FNDC3B: variants seen among roughly 807,000 people sequenced by gnomAD.
FNDC3B encodes fibronectin type III domain containing 3B, also known as fibronectin type III domain-containing protein 3B.
Under a neutral mutation model 151.5 loss-of-function variants are expected in FNDC3B, and 12 were observed. That is an observed-to-expected ratio of 0.08 (90% CI 0.05 to 0.13). The LOEUF (loss-of-function observed/expected upper bound fraction) is 0.13, where lower values mean the gene tolerates loss of function less well. Among genes scored for constraint, FNDC3B ranks in the 10% least tolerant of loss-of-function variants. The probability of loss-of-function intolerance (pLI) is 1.00; values close to 1 mark genes in which losing one functional copy is unlikely to be tolerated. For synonymous variants in FNDC3B, 528 were observed against 549.0 expected (o/e 0.96, Z 0.54); for missense variants, 1,214 against 1,505.3 (o/e 0.81, Z 3.20).
intron 3 of FNDC3B, among the ~76,000 whole-genome samples, chr3:172,224,546 T>C (rs1346946667): frequency 6.6e-6 from 1 of 152,226 alleles, no homozygotes; most frequent in Non-Finnish European, 1.5e-5. Flanking sequence ...CTGTTTTTTT[T>C]CCTATTTCAC....
At chr3:172,291,171 C>T (rs895403842) in intron 7 of FNDC3B, among the ~76,000 whole-genome samples, 9 of 152,170 alleles carry the variant, frequency 5.9e-5, no homozygotes, top group African/African-American at 1.2e-4. Context: ...CTATGGATTA[C>T]GTATCAAATA....
chr3:172,088,647 C>A (rs1008208353), intron 1 of FNDC3B, among the ~76,000 whole-genome samples: 1 of 152,108 alleles, frequency 6.6e-6, no homozygotes, highest in African/African-American at 2.4e-5. Flanking sequence ...AATGACAATA[C>A]TTATCCTACA....
At chr3:172,156,832 T>C (rs1348888186) in intron 3 of FNDC3B, among the ~76,000 whole-genome samples, 1 of 152,178 alleles carries the variant, frequency 6.6e-6, no homozygotes, top group African/African-American at 2.4e-5. Context: ...CACTTATCCT[T>C]GTAGAATGTT....
intron 1 of FNDC3B, among the ~76,000 whole-genome samples, chr3:172,062,519 G>T (rs1029159480): frequency 1.3e-5 from 2 of 152,052 alleles, no homozygotes; most frequent in African/African-American, 2.4e-5. Flanking sequence ...CACTGTGTTA[G>T]CCAAGCTACC....
intron 6 of FNDC3B, among the ~76,000 whole-genome samples, chr3:172,278,126 C>T (rs116389317): frequency 6.6e-6 from 1 of 152,316 alleles, no homozygotes; most frequent in African/African-American, 2.4e-5. Context: ...CTGTTCAAAA[C>T]TTGCTGGATA....
At chr3:172,329,172 TC>T in intron 12 of FNDC3B, 96 bp downstream of exon 12, 1 of 1,390,066 alleles carries the variant, frequency 7.2e-7, no homozygotes, top group Non-Finnish European at 9.9e-7. Flanking sequence ...GCCTGCTGCC[TC>T]CACACTAAAT....
intron 23 of FNDC3B, among the ~76,000 whole-genome samples, chr3:172,373,539 C>T (rs1045618201): frequency 1.3e-5 from 2 of 152,198 alleles, no homozygotes; most frequent in Non-Finnish European, 2.9e-5. Flanking sequence ...ATCATTGTGT[C>T]TTGGGATGCT....
At chr3:172,198,222 C>A (rs1724948933) in intron 3 of FNDC3B, among the ~76,000 whole-genome samples, 1 of 5,754 alleles carries the variant, frequency 1.7e-4, no homozygotes, top group Non-Finnish European at 3.0e-4. Flanking sequence ...TCTAAGAAGT[C>A]CTGGCTTCTT....
rs77838734 is a variant in FNDC3B, at chr3:172,081,543, A to G, written c.-28-30909A>G. Among the ~76,000 whole-genome samples, 224 of 152,360 alleles carry G rather than the reference A, an allele frequency of 1.5e-3. 2 individuals carry two copies. The East Asian group carries it at 0.023, about 16-fold the overall frequency. On this transcript the variant is annotated intron_variant, in intron 1 of 25. Coordinates refer to ENST00000415807, the MANE Select transcript of FNDC3B (RefSeq NM_022763.4). ...CTCTATTTTGAGTTTTACATTTTAC[A>G]GGATAAAACCTTAAGATTAATTCCA...
chr3:172,135,141 C>T (rs1260207177), intron 3 of FNDC3B, among the ~76,000 whole-genome samples: 2 of 152,134 alleles, frequency 1.3e-5, no homozygotes, highest in African/African-American at 2.4e-5. Context: ...TGTCCCTCTA[C>T]AACTGAGTGT....
chr3:172,370,260 CA>C (rs1420830545), intron 23 of FNDC3B, among the ~76,000 whole-genome samples: 1 of 151,910 alleles, frequency 6.6e-6, no homozygotes, highest in African/African-American at 2.4e-5. Context: ...TTTTCAAAAT[CA>C]AACTGTTTTA....
Position 172,071,909 on chromosome 3 carries a change from G to C in FNDC3B, c.-29+32138G>C, listed in dbSNP as rs530672374. Among the ~76,000 whole-genome samples the C allele has an allele frequency of 6.6e-5, 10 of 151,986 alleles. 2 individuals carry two copies. Among genetic ancestry groups the C allele is most frequent in the African/African-American group, 2.4e-4 (10 of 41,408 alleles). On this transcript the variant is annotated intron_variant, in intron 1 of 25. Transcript: ENST00000415807. ...TTTTACAGATAGAAACTGAGACATG[G>C]AGAGTGAAGTAACTGGCTCCAATCC...
chr3:172,123,339 C>T (rs1291614504), intron 2 of FNDC3B, among the ~76,000 whole-genome samples: 1 of 152,138 alleles, frequency 6.6e-6, no homozygotes, highest in Non-Finnish European at 1.5e-5. Flanking sequence ...TGTGCCAGGC[C>T]TTAACCAAAC....
At chr3:172,280,350 T>C (rs1323136024) in intron 6 of FNDC3B, among the ~76,000 whole-genome samples, 1 of 152,264 alleles carries the variant, frequency 6.6e-6, no homozygotes, top group Non-Finnish European at 1.5e-5. Context: ...AATTATTTAT[T>C]TCTGTTTCTT....
At chr3:172,277,498 C>T (rs1349888873) in intron 6 of FNDC3B, among the ~76,000 whole-genome samples, 1 of 152,156 alleles carries the variant, frequency 6.6e-6, no homozygotes, top group East Asian at 1.9e-4. Flanking sequence ...ATGACCTCAT[C>T]TCATTCTAAT....
At chr3:172,360,053 A>G (rs1734291465) in intron 22 of FNDC3B, among the ~76,000 whole-genome samples, 1 of 152,210 alleles carries the variant, frequency 6.6e-6, no homozygotes, top group South Asian at 2.1e-4. Flanking sequence ...TGTAATAAGT[A>G]TATATTTAAA....
intron 3 of FNDC3B, among the ~76,000 whole-genome samples, chr3:172,134,988 T>TAA (rs776856315): frequency 1.4e-4 from 20 of 138,766 alleles, no homozygotes; most frequent in African/African-American, 4.5e-4. Flanking sequence ...CCCTGTATCT[T>TAA]AAAAAAAAAA....
chr3:172,203,284 C>T (rs1725250328), intron 3 of FNDC3B, among the ~76,000 whole-genome samples: 1 of 152,152 alleles, frequency 6.6e-6, no homozygotes, highest in Non-Finnish European at 1.5e-5. Context: ...TGTGTTAATG[C>T]TAAACAAAAT....
intron 1 of FNDC3B, among the ~76,000 whole-genome samples, chr3:172,068,246 G>T (rs1298010640): frequency 6.6e-6 from 1 of 152,170 alleles, no homozygotes; most frequent in Non-Finnish European, 1.5e-5. Flanking sequence ...CAGAGCTGAT[G>T]CTCTGCCGAG....
Sources: allele counts gnomAD v4.1 joint callset (sites outside exome capture counted in the v4.1 genomes callset), GRCh38; gene constraint gnomAD v4.1.1; transcripts MANE v1.5; gene names NCBI Gene and HGNC (gene_info 2026-07-23, HGNC 2026-07-21).